POLI: variants seen among roughly 807,000 people sequenced by gnomAD.
The protein encoded by POLI is RAD30 homolog B.
Under a neutral mutation model 51.6 loss-of-function variants are expected in POLI, and 58 were observed. The ratio of observed to expected loss-of-function variants is 1.12; its 90% CI spans 0.91 to 1.40. The LOEUF (loss-of-function observed/expected upper bound fraction) is 1.40, where lower values mean the gene tolerates loss of function less well. Ranked by LOEUF, POLI falls within the 40% of genes most tolerant of loss-of-function variation. The pLI, the probability that POLI is intolerant of heterozygous loss-of-function variation, is 0.00. For missense variants in POLI, 921 were observed against 871.3 expected, an observed-to-expected ratio of 1.06 and a Z score of -0.72; for synonymous variants, 322 against 299.7, an observed-to-expected ratio of 1.07 and a Z score of -0.77.
chr18:54,279,390 GTGCC>G (rs2087397246), intron 4 of POLI, among the ~76,000 whole-genome samples: 1 of 151,944 alleles, frequency 6.6e-6, no homozygotes, highest in Non-Finnish European at 1.5e-5. Flanking sequence ...CTACAGGCAT[GTGCC>G]ACTACACCCG....
At chr18:54,291,195 T>C (rs1350599385) in intron 8 of POLI, among the ~76,000 whole-genome samples, 1 of 131,904 alleles carries the variant, frequency 7.6e-6, no homozygotes, top group Non-Finnish European at 1.7e-5. Flanking sequence ...TTTCCAAATC[T>C]CCTGGTGACA....
chr18:54,294,244 T>C lies in POLI; in HGVS notation c.2000T>C (p.Leu667Pro). ...HSFPNLQSEQ[L>P]FSRNHTTDSH... ...TTTCCAAACTTGCAGAGTGAGCAAC[T>C]TTTCTCCAGAAACCACACTACAGAT... The change falls in exon 10 of 10, where the codon CTT (leucine) becomes CCT (proline). Residue 667 changes from leucine to proline, a missense_variant. Physicochemically the swap from Leu to Pro is moderately conservative, Grantham distance 98 (BLOSUM62 -3). Transcript: ENST00000579534. 3.1e-6 allele frequency: 5 copies of C among 1,613,668 alleles called. No individual in the cohort carries two copies. The highest frequency in any genetic ancestry group is 3.4e-6 in the Non-Finnish European group (4 of 1,179,696).
In POLI at chr18:54,305,916, G is replaced by A. The variant is rs1247120875; in HGVS notation, c.334-14357G>A. ...TGGGACTACAGGTGCCTGCCACTAC[G>A]CCTGGCTAATTTTTTGTATTTTTAG... On this transcript the variant is annotated intron_variant, in intron 3 of 4. Coordinates refer to the POLI transcript ENST00000579823. Among the ~76,000 whole-genome samples, 8 of 152,022 alleles carry A rather than the reference G, an allele frequency of 5.3e-5. No homozygotes were observed. In the East Asian group the frequency reaches 1.4e-3, roughly 26 times the overall value.
Position 54,273,449 on chromosome 18 carries a change from A to G in POLI, c.242-477A>G, listed in dbSNP as rs543544821. On this transcript the variant is annotated intron_variant, in intron 2 of 9. Transcript: ENST00000579534. ...GCAGTATAAATTAATCTGCTTTTAT[A>G]TTGTCTGGAAAAAAATCCTAGAGAG... Among the ~76,000 whole-genome samples the G allele has an allele frequency of 2.4e-4, 35 of 144,988 alleles. No homozygotes were observed. The East Asian group carries it at 6.7e-3, about 28-fold the overall frequency.
downstream of POLI, among the ~76,000 whole-genome samples, chr18:54,299,512 C>T (rs562244502): frequency 8.5e-5 from 13 of 152,120 alleles, no homozygotes; most frequent in South Asian, 2.1e-4. Flanking sequence ...TATCAGTCAC[C>T]GAATGGAATT....
In POLI at chr18:54,297,885, T is replaced by A; in HGVS notation, c.*3418T>A. The A allele has an allele frequency of 1.0e-6, 1 of 982,678 alleles. No homozygotes were observed. Among genetic ancestry groups the A allele is most frequent in the Non-Finnish European group, 1.2e-6 (1 of 827,378 alleles). 60.9% of individuals were successfully genotyped at this position (982,678 alleles called of 1,614,324 possible). Reference sequence around the variant, plus strand: ...CATGGTGGGGGCTTACCTTTTTTCTTGTGTGTCAGATGTTCCTTCTAGGTA... The same window carrying A: ...CATGGTGGGGGCTTACCTTTTTTCTAGTGTGTCAGATGTTCCTTCTAGGTA... On this transcript the variant is annotated 3_prime_UTR_variant, in exon 10 of 10. Coordinates refer to ENST00000579534, the MANE Select transcript of POLI (RefSeq NM_007195.3).
In POLI at chr18:54,269,628, C is replaced by A; in HGVS notation, c.82C>A (p.Leu28Met). Residue 28 changes from leucine to methionine, a missense_variant, in exon 1 of 10, where the codon CTG becomes ATG. Transcript: ENST00000579534. ...AGACGCCGAGGCCTGGGCCATGGAACTGGCGGACGTGGGGGCGGCAGCCAG... is the reference window on the plus strand; with the variant it reads ...AGACGCCGAGGCCTGGGCCATGGAAATGGCGGACGTGGGGGCGGCAGCCAG... ...EEDAEAWAME[L>M]ADVGAAASSQ... 1.3e-6 allele frequency: 2 copies of A among 1,509,952 alleles called. No homozygotes were observed. The highest frequency in any genetic ancestry group is 1.8e-6 in the Non-Finnish European group (2 of 1,131,768). 93.5% of individuals were successfully genotyped at this position (1,509,952 alleles called of 1,614,324 possible). A position where few individuals can be genotyped will look rare whatever the true frequency, so the allele number is the denominator to read the frequency against.
exon 5 of POLI, chr18:54,321,139 G>C (rs1053747631): frequency 1.3e-5 from 2 of 152,162 alleles, no homozygotes; most frequent in Non-Finnish European, 2.9e-5. Flanking sequence ...CCCTTTCAAA[G>C]CGAAAGCCAC....
chr18:54,317,644 C>T (rs2088751746), intron 3 of POLI, among the ~76,000 whole-genome samples: 1 of 152,054 alleles, frequency 6.6e-6, no homozygotes, highest in Non-Finnish European at 1.5e-5. Context: ...AGGAGAATTG[C>T]TTGAGGCTAG....
chr18:54,271,241 A>G, intron 1 of POLI, 119 bp from the exon 2 acceptor site: 1 of 783,442 alleles, frequency 1.3e-6, no homozygotes, highest in Non-Finnish European at 2.0e-6. Context: ...CACATAATCC[A>G]GGAGAAAACA....
At position 54,274,060 on chromosome 18, in the gene POLI, C is replaced by T. The variant is rs369815747; in HGVS notation, c.376C>T (p.Arg126Cys). 15 of 1,498,680 alleles carry T rather than the reference C, an allele frequency of 1.0e-5. No homozygotes were observed. Among genetic ancestry groups the T allele is most frequent in the African/African-American group, 2.8e-5 (2 of 70,394 alleles). 92.8% of individuals were successfully genotyped at this position (1,498,680 alleles called of 1,614,324 possible). ...ATTAGTTAATGGAGAAGACCTGACC[C>T]GCTACAGAGAAATGTCTTATAAGGT... The part of the protein sequence containing the change: ...LVLVNGEDLT[R>C]YREMSYKVTE... The change falls in exon 3 of 10, where the codon CGC becomes TGC. Residue 126 changes from arginine to cysteine, a missense_variant. Arg to Cys is a radical substitution (Grantham distance 180, BLOSUM62 -3). Coordinates refer to ENST00000579534, the MANE Select transcript of POLI (RefSeq NM_007195.3).
rs530003521 is a variant in POLI, at chr18:54,269,542, G to C, written c.-5G>C. The C allele has an allele frequency of 4.6e-6, 7 of 1,507,778 alleles. No individual in the cohort carries two copies. In the East Asian group the frequency reaches 1.9e-4, roughly 42 times the overall value. The allele number at this position is 1,507,778 out of a possible 1,614,324, so 93.4% of individuals were successfully genotyped here. ...GGAAGTAGCGCTGCGGTTGGCAGCG[G>C]CGGGATGGAGAAGCTGGGGGTGGAG... On this transcript the variant is annotated 5_prime_UTR_variant, in exon 1 of 10. Coordinates refer to ENST00000579534, the MANE Select transcript of POLI (RefSeq NM_007195.3).
At chr18:54,312,125 C>T (rs1191617190) in intron 3 of POLI, among the ~76,000 whole-genome samples, 1 of 152,070 alleles carries the variant, frequency 6.6e-6, no homozygotes, top group Non-Finnish European at 1.5e-5. Flanking sequence ...TTATATTCCC[C>T]CCCAGCGTCT....
chr18:54,279,217 C>CA (rs2087383795), intron 4 of POLI, among the ~76,000 whole-genome samples: 3 of 145,634 alleles, frequency 2.1e-5, no homozygotes, highest in Non-Finnish European at 3.0e-5. Flanking sequence ...CAGAATAGTA[C>CA]AAAAAATACC....
At chr18:54,306,286 G>A (rs944496222) in intron 3 of POLI, among the ~76,000 whole-genome samples, 1 of 152,102 alleles carries the variant, frequency 6.6e-6, no homozygotes, top group African/African-American at 2.4e-5. Context: ...TTGCATAAAG[G>A]GCTGTTGAAT....
At position 54,293,735 on chromosome 18, in the gene POLI, A is replaced by G; in HGVS notation, c.1491A>G (p.Thr497=). The G allele has an allele frequency of 6.2e-6, 10 of 1,606,300 alleles. No individual in the cohort carries two copies. The highest frequency in any genetic ancestry group is 8.5e-6 in the Non-Finnish European group (10 of 1,175,832). ...DFLPSGRIES[T]RTRESPLDTT... ...TACCAAGTGGAAGAATTGAAAGTAC[A>G]AGAACTAGGGAGTCTCCACTAGATA... is the stretch of plus-strand genomic sequence containing the variant. The change falls in exon 10 of 10, where the codon ACA becomes ACG. Residue 497 remains threonine (T), a synonymous_variant. Transcript: ENST00000579534.
intron 8 of POLI, among the ~76,000 whole-genome samples, chr18:54,290,524 G>A (rs2144576728): frequency 6.6e-6 from 1 of 152,290 alleles, no homozygotes; most frequent in South Asian, 2.1e-4. Context: ...AAAGACACAT[G>A]CACGCGTATG....
chr18:54,294,390 C>G lies in POLI; in HGVS notation c.2146C>G (p.Leu716Val). 6.2e-7 allele frequency: 1 copy of G among 1,613,468 alleles called. No homozygotes were observed. Among genetic ancestry groups the G allele is most frequent in the Admixed American group, 1.7e-5 (1 of 59,966 alleles). The change falls in exon 10 of 10, where the codon CTA (leucine) becomes GTA (valine). Residue 716 changes from leucine to valine, a missense_variant. Leu to Val is a conservative substitution (Grantham distance 32). Transcript: ENST00000579534. ...SDIDPQVFYELPEAVQKELLA... is the reference protein window; with the variant it reads ...SDIDPQVFYEVPEAVQKELLA... The stretch of plus-strand genomic sequence containing the variant: ...CATTGATCCTCAAGTTTTCTATGAA[C>G]TACCAGAAGCAGTACAAAAGGAACT...
At chr18:54,290,528 G>A (rs1260260881) in intron 8 of POLI, among the ~76,000 whole-genome samples, 9 of 152,064 alleles carry the variant, frequency 5.9e-5, no homozygotes, top group South Asian at 4.1e-4. Context: ...ACACATGCAC[G>A]CGTATGTTTA....
Sources: gnomAD v4.1 joint callset for allele counts (sites outside exome capture counted in the v4.1 genomes callset) on GRCh38, gnomAD v4.1.1 for gene constraint, MANE v1.5 for transcripts, NCBI Gene and HGNC (gene_info 2026-07-23, HGNC 2026-07-21) for gene names.